The following HNRNPUL1 variants were observed in gnomAD, a reference collection of about 807,000 sequenced individuals.
HNRNPUL1 encodes the protein heterogeneous nuclear ribonucleoprotein U-like protein 1.
In HNRNPUL1, 14 loss-of-function variants were observed where a neutral mutation model predicts 108.5. That is an observed-to-expected ratio of 0.13 (90% CI 0.09 to 0.20). The LOEUF is 0.20. HNRNPUL1 is among the 10% of genes least tolerant of loss of function. The probability of loss-of-function intolerance (pLI) is 1.00; values close to 1 mark genes in which losing one functional copy is unlikely to be tolerated. For missense variants in HNRNPUL1, 804 were observed against 1,168.3 expected, an observed-to-expected ratio of 0.69 and a Z score of 4.55; for synonymous variants, 422 against 445.2, an observed-to-expected ratio of 0.95 and a Z score of 0.66.
At position 41,280,388 on chromosome 19, in the gene HNRNPUL1, C is replaced by CA. The variant is rs374051752; in HGVS notation, c.887-764dup. On this transcript the variant is annotated intron_variant, in intron 6 of 14. Coordinates refer to ENST00000392006, the MANE Select transcript of HNRNPUL1 (RefSeq NM_007040.6). ...CTCAAAAAGGTAGATATGTTAGCAC[C>CA]AAAAAAAAAAAGTATACAGTTTTCA... 1.7e-4 allele frequency among the ~76,000 whole-genome samples: 24 copies of CA among 144,116 alleles called. 1 individual carries two copies. Among genetic ancestry groups the CA allele is most frequent in the African/African-American group, 2.8e-4 (11 of 39,468 alleles). 94.5% of individuals were successfully genotyped at this position (144,116 alleles called of 152,430 possible).
chr19:41,289,713 C>CT (rs71177710), intron 7 of HNRNPUL1, among the ~76,000 whole-genome samples: 1,903 of 119,878 alleles, frequency 0.016, 55 homozygotes, highest in African/African-American at 0.029. Flanking sequence ...TCTCCATGGT[C>CT]TTTTTTTTTT....
intron 7 of HNRNPUL1, among the ~76,000 whole-genome samples, chr19:41,284,057 A>T (rs2122689700): frequency 6.6e-6 from 1 of 152,336 alleles, no homozygotes. Context: ...GTAAAAAGTG[A>T]TCTCGCAATT....
At chr19:41,279,263 G>A (rs1189250053) in intron 6 of HNRNPUL1, 87 bp downstream of exon 6, 3 of 904,054 alleles carry the variant, frequency 3.3e-6, no homozygotes, top group Non-Finnish European at 5.4e-6. Flanking sequence ...TCCTTTTCCA[G>A]CGTCAGACTT....
intron 5 of HNRNPUL1, among the ~76,000 whole-genome samples, chr19:41,277,505 TG>T (rs1228973008): frequency 2.6e-5 from 4 of 152,198 alleles, no homozygotes; most frequent in Admixed American, 2.6e-4. Context: ...TTTTTTTGTT[TG>T]TTTGTTTTTT....
intron 4 of HNRNPUL1, among the ~76,000 whole-genome samples, chr19:41,275,699 T>A (rs2035508827): frequency 6.6e-6 from 1 of 152,138 alleles, no homozygotes; most frequent in Admixed American, 6.6e-5. Flanking sequence ...GGAGAGAGGT[T>A]GAGGGGTGTG....
At chr19:41,305,956 C>CA (rs2037520731) in intron 14 of HNRNPUL1, 89 bp downstream of exon 14, 2 of 912,624 alleles carry the variant, frequency 2.2e-6, no homozygotes, top group South Asian at 3.3e-5. Context: ...CCCTGCTTAT[C>CA]CCTAAAAAGA....
intron 11 of HNRNPUL1, among the ~76,000 whole-genome samples, chr19:41,302,030 G>C (rs2037240349): frequency 6.6e-6 from 1 of 152,108 alleles, no homozygotes; most frequent in Non-Finnish European, 1.5e-5. Context: ...TTGTTTCTCT[G>C]TAAATATAGG....
intron 7 of HNRNPUL1, among the ~76,000 whole-genome samples, chr19:41,290,437 ACT>A (rs2036518028): frequency 6.6e-6 from 1 of 152,088 alleles, no homozygotes; most frequent in African/African-American, 2.4e-5. Flanking sequence ...TAAGTCAGAC[ACT>A]CTGCTCTGCC....
chr19:41,274,467 A>G (rs1432364632), intron 4 of HNRNPUL1, among the ~76,000 whole-genome samples: 4 of 152,196 alleles, frequency 2.6e-5, no homozygotes, highest in African/African-American at 9.7e-5. Flanking sequence ...TCCCGTTTCC[A>G]TCAGCTGCTC....
chr19:41,274,358 C>G (rs1291733755), intron 4 of HNRNPUL1, among the ~76,000 whole-genome samples: 1 of 152,204 alleles, frequency 6.6e-6, no homozygotes, highest in African/African-American at 2.4e-5. Context: ...TAGGAGCAAT[C>G]TGGAAAACCC....
intron 10 of HNRNPUL1, among the ~76,000 whole-genome samples, chr19:41,299,761 T>TCACTGTCTTTGTCACTG (rs2037096097): frequency 6.6e-6 from 1 of 152,104 alleles, no homozygotes; most frequent in Admixed American, 6.6e-5. Context: ...AAAGCCTGTG[T>TCACTGTCTTTGTCACTG]TCATTCCACC....
In HNRNPUL1 at chr19:41,272,155, C is replaced by G; in HGVS notation, c.492C>G (p.Asp164Glu). ...CTGAAGCTTCTCAACTCAAGCCAGA[C>G]AGGCAGCAATTCCAGAGTCGAAAGA... is the stretch of plus-strand genomic sequence containing the variant. ...LPPEASQLKP[D>E]RQQFQSRKRP... The change falls in exon 3 of 15, where the codon GAC (aspartate) becomes GAG (glutamate). Residue 164 changes from aspartate to glutamate, a missense_variant. By Grantham distance (45) the Asp-to-Glu change is conservative. Around this residue, in one of 4 missense-constraint regions of HNRNPUL1, gnomAD observed 256 missense variants for 261.6 expected, o/e 0.98. Transcript: ENST00000392006. 6.2e-7 allele frequency: 1 copy of G among 1,614,188 alleles called. No individual in the cohort carries two copies. The highest frequency in any genetic ancestry group is 8.5e-7 in the Non-Finnish European group (1 of 1,180,022).
At chr19:41,278,922 G>A (rs1476413907) in intron 5 of HNRNPUL1, among the ~76,000 whole-genome samples, 155 bp from the exon 6 acceptor site, 1 of 152,128 alleles carries the variant, frequency 6.6e-6, no homozygotes, top group Non-Finnish European at 1.5e-5. Flanking sequence ...CTTCGATTCG[G>A]TTCAACAGGC....
upstream of HNRNPUL1, chr19:41,262,957 TTGAACACGGGAGG>T (rs1316689860): frequency 1.3e-5 from 2 of 149,200 alleles, no homozygotes; most frequent in Non-Finnish European, 3.0e-5. Context: ...GGAGAATCGC[TTGAACACGGGAGG>T]CGGAGGTTGC....
At chr19:41,269,484 A>G (rs1285538945) in intron 2 of HNRNPUL1, among the ~76,000 whole-genome samples, 3 of 150,420 alleles carry the variant, frequency 2.0e-5, no homozygotes, top group Admixed American at 6.6e-5. Flanking sequence ...TGTCACGAAA[A>G]AAAAAAAAAA....
At chr19:41,304,897 T>C (rs1214887903) in intron 13 of HNRNPUL1, among the ~76,000 whole-genome samples, 1 of 152,204 alleles carries the variant, frequency 6.6e-6, no homozygotes. Flanking sequence ...CCCAGCTAAC[T>C]AGAATATTTC....
At chr19:41,269,149 T>A (rs1443127036) in intron 2 of HNRNPUL1, among the ~76,000 whole-genome samples, 34 of 143,696 alleles carry the variant, frequency 2.4e-4, no homozygotes, top group Non-Finnish European at 3.7e-4. Context: ...GTCCAGAATT[T>A]AAAAAAAAAA....
chr19:41,276,025 C>T (rs2042373209), intron 4 of HNRNPUL1, 134 bp from the exon 5 acceptor site: 2 of 1,062,606 alleles, frequency 1.9e-6, no homozygotes, highest in South Asian at 2.6e-5. Flanking sequence ...ATCACTTGAA[C>T]CCGGGAGGCG....
At chr19:41,301,761 C>A in intron 11 of HNRNPUL1, 57 bp downstream of exon 11, 2 of 1,461,934 alleles carry the variant, frequency 1.4e-6, no homozygotes, top group South Asian at 1.3e-5. Flanking sequence ...AGAGAAGAAG[C>A]TCTTTACTCA....
Sources: gnomAD v4.1 joint callset for allele counts (sites outside exome capture counted in the v4.1 genomes callset) on GRCh38, gnomAD v4.1.1 for gene constraint, gnomAD v4.1.1 regional missense constraint, MANE v1.5 for transcripts, NCBI Gene and HGNC (gene_info 2026-07-23, HGNC 2026-07-21) for gene names.